Variants in COL14A1 observed in about 807,000 individuals in gnomAD.
The protein encoded by COL14A1 is collagen type XIV alpha 1 chain, also known as collagen alpha-1(XIV) chain.
Under a neutral mutation model 230.3 loss-of-function variants are expected in COL14A1, and 136 were observed. The observed-to-expected ratio is 0.59, with a 90% CI of 0.51 to 0.68. The LOEUF is 0.68. COL14A1 is among the 30% of genes least tolerant of loss of function. The pLI, the probability that COL14A1 is intolerant of heterozygous loss-of-function variation, is 0.00. For missense variants in COL14A1, 1,976 were observed against 2,215.8 expected (o/e 0.89, Z 2.17); for synonymous variants, 792 against 784.1 (o/e 1.01, Z -0.17).
intron 40 of COL14A1, among the ~76,000 whole-genome samples, chr8:120,323,652 A>G (rs932568636): frequency 6.6e-6 from 1 of 152,320 alleles, no homozygotes; most frequent in East Asian, 1.9e-4. Flanking sequence ...CAGTTAACCC[A>G]GAACCATTTA....
intron 34 of COL14A1, among the ~76,000 whole-genome samples, chr8:120,291,141 A>G (rs983352131): frequency 2.0e-5 from 3 of 152,128 alleles, no homozygotes; most frequent in Admixed American, 6.6e-5. Flanking sequence ...TTAATGGAGG[A>G]TACTCCTATG....
chr8:120,204,838 G>A (rs567448857), intron 9 of COL14A1, among the ~76,000 whole-genome samples: 1 of 152,182 alleles, frequency 6.6e-6, no homozygotes, highest in Non-Finnish European at 1.5e-5. Flanking sequence ...GGAGAATGGT[G>A]CCTCATTACT....
chr8:120,221,559 T>TGC (rs1491588043), intron 14 of COL14A1, among the ~76,000 whole-genome samples: 2 of 94,398 alleles, frequency 2.1e-5, no homozygotes, highest in African/African-American at 4.9e-5. Flanking sequence ...CACACACACA[T>TGC]GCACACACAC....
intron 40 of COL14A1, among the ~76,000 whole-genome samples, chr8:120,319,449 A>C (rs1354865160): frequency 6.6e-6 from 1 of 152,084 alleles, no homozygotes; most frequent in Non-Finnish European, 1.5e-5. Flanking sequence ...TGCTGGGATT[A>C]CAAGCACGAG....
chr8:120,155,079 G>A (rs1208132437), intron 2 of COL14A1, among the ~76,000 whole-genome samples: 1 of 152,218 alleles, frequency 6.6e-6, no homozygotes, highest in East Asian at 1.9e-4. Context: ...AAGAAAATGT[G>A]TATGTTATGT....
intron 1 of COL14A1, among the ~76,000 whole-genome samples, chr8:120,143,261 G>A (rs534207349): frequency 3.3e-5 from 5 of 152,312 alleles, no homozygotes; most frequent in South Asian, 4.1e-4. Context: ...GAACAGACTA[G>A]TGCAGTATCT....
intron 18 of COL14A1, 27 bp downstream of exon 18, chr8:120,228,796 C>T: frequency 6.2e-7 from 1 of 1,600,872 alleles, no homozygotes; most frequent in Non-Finnish European, 8.5e-7. Context: ...GCCTGCTTAA[C>T]CACTTTAAAA....
chr8:120,149,159 T>C (rs1815190134), intron 2 of COL14A1, among the ~76,000 whole-genome samples: 1 of 152,258 alleles, frequency 6.6e-6, no homozygotes, highest in South Asian at 2.1e-4. Flanking sequence ...ATGTTATTTA[T>C]CAGCTGAGCA....
chr8:120,243,350 T>C (rs987212020), intron 19 of COL14A1, among the ~76,000 whole-genome samples: 7 of 152,212 alleles, frequency 4.6e-5, no homozygotes, highest in Non-Finnish European at 8.8e-5. Context: ...CTGGTAAATA[T>C]GCTTCAGCTC....
At chr8:120,323,889 T>G (rs951336823) in intron 40 of COL14A1, among the ~76,000 whole-genome samples, 6 of 152,188 alleles carry the variant, frequency 3.9e-5, no homozygotes, top group African/African-American at 1.4e-4. Context: ...AGGATTGCCT[T>G]GGCTGTAAGA....
At chr8:120,341,094 A>T (rs149307469) in intron 42 of COL14A1, among the ~76,000 whole-genome samples, 28 of 152,332 alleles carry the variant, frequency 1.8e-4, no homozygotes, top group African/African-American at 6.5e-4. Flanking sequence ...TGTGGCCAAA[A>T]TATACCATGT....
intron 19 of COL14A1, among the ~76,000 whole-genome samples, chr8:120,232,592 T>C (rs1426049631): frequency 6.6e-6 from 1 of 152,212 alleles, no homozygotes; most frequent in South Asian, 2.1e-4. Context: ...GCAAAGGACA[T>C]GAACTCATCC....
chr8:120,363,979 C>G (rs908884413), intron 45 of COL14A1, among the ~76,000 whole-genome samples: 1 of 152,132 alleles, frequency 6.6e-6, no homozygotes, highest in African/African-American at 2.4e-5. Flanking sequence ...GTTCTACCTG[C>G]TATGGTTATA....
At chr8:120,280,635 T>C in intron 29 of COL14A1, 76 bp from the exon 30 acceptor site, 1 of 1,357,350 alleles carries the variant, frequency 7.4e-7, no homozygotes, top group African/African-American at 1.4e-5. Context: ...ATTAGTTTCC[T>C]GTTCTCAGGA....
intron 18 of COL14A1, among the ~76,000 whole-genome samples, chr8:120,231,062 G>A (rs1048274167): frequency 1.6e-4 from 25 of 152,298 alleles, no homozygotes; most frequent in South Asian, 6.2e-4. Context: ...TTGGATGCTG[G>A]ATTGCACACA....
chr8:120,331,203 T>C (rs1329075345), intron 40 of COL14A1, among the ~76,000 whole-genome samples: 2 of 150,582 alleles, frequency 1.3e-5, no homozygotes, highest in African/African-American at 4.9e-5. Context: ...AGAAAGGGAA[T>C]TGGGAGAGTC....
Position 120,226,759 on chromosome 8 carries a change from CTGAGGAGG to C in COL14A1, c.2002_2004+5del. On this transcript the variant is annotated splice_donor_variant and coding_sequence_variant, in exon 16 of 48. Coordinates refer to ENST00000297848, the MANE Select transcript of COL14A1 (RefSeq NM_021110.4). LOFTEE classifies it high-confidence loss of function. ...TGGATTCCAGTCTATGGGGGGAAGA[CTGAGGAGG>C]TGAGTTTTCTGAAACAGACTGAAAA... The C allele has an allele frequency of 1.9e-6, 3 of 1,613,100 alleles. No homozygotes were observed. Among genetic ancestry groups the C allele is most frequent in the Non-Finnish European group, 2.5e-6 (3 of 1,179,416 alleles).
In COL14A1 at chr8:120,372,564, A is replaced by G. The variant is rs539688707; in HGVS notation, c.*1333A>G. The stretch of plus-strand genomic sequence containing the variant: ...TGCTCCTTCTCTGTAACATCTCCCT[A>G]GTAACAGCTAACTTTAGAAAGTAGG... On this transcript the variant is annotated 3_prime_UTR_variant, in exon 48 of 48. Transcript: ENST00000297848. Among the ~76,000 whole-genome samples the G allele has an allele frequency of 6.6e-6, 1 of 152,322 alleles. No homozygotes were observed. Among genetic ancestry groups the G allele is most frequent in the South Asian group, 2.1e-4 (1 of 4,826 alleles).
chr8:120,200,726 TA>T (rs1397098290), intron 8 of COL14A1, among the ~76,000 whole-genome samples: 3 of 17,038 alleles, frequency 1.8e-4, no homozygotes, highest in African/African-American at 9.5e-4. Flanking sequence ...TATATATATA[TA>T]TATATATATA....
Sources: allele counts gnomAD v4.1 joint callset (sites outside exome capture counted in the v4.1 genomes callset), GRCh38; gene constraint gnomAD v4.1.1; transcripts MANE v1.5; gene names NCBI Gene and HGNC (gene_info 2026-07-23, HGNC 2026-07-21).